The following PAX5 variants were observed in gnomAD, a reference collection of about 807,000 sequenced individuals.
The protein encoded by PAX5 is paired box protein Pax-5.
A neutral mutation model predicts 43.7 loss-of-function variants in PAX5; 9 were observed. The observed-to-expected ratio is 0.21, with a 90% CI of 0.12 to 0.36. The LOEUF (loss-of-function observed/expected upper bound fraction) is 0.36, where lower values mean the gene tolerates loss of function less well. Ranked by LOEUF, PAX5 falls within the 10% of genes least tolerant of loss-of-function variation. The pLI is 1.00. For synonymous variants in PAX5, 228 were observed against 214.3 expected (o/e 1.06, Z -0.56); for missense variants, 383 against 532.7 (o/e 0.72, Z 2.77).
intron 8 of PAX5, among the ~76,000 whole-genome samples, chr9:36,869,327 C>T (rs891124147): frequency 1.3e-5 from 2 of 152,166 alleles, no homozygotes; most frequent in African/African-American, 4.8e-5. Context: ...CTGCCTGAAA[C>T]ACTCATCTTC....
At chr9:36,865,255 C>A (rs907234347) in intron 8 of PAX5, among the ~76,000 whole-genome samples, 1 of 152,136 alleles carries the variant, frequency 6.6e-6, no homozygotes, top group Non-Finnish European at 1.5e-5. Flanking sequence ...GAGCATCCAT[C>A]GAGTCAGCAA....
intron 1 of PAX5, among the ~76,000 whole-genome samples, chr9:37,028,672 A>C (rs1840667448): frequency 6.6e-6 from 1 of 152,212 alleles, no homozygotes; most frequent in Admixed American, 6.5e-5. Context: ...CGAATGAGCC[A>C]AGTCGCGTCC....
chr9:36,894,063 G>A (rs1827646683), intron 7 of PAX5, among the ~76,000 whole-genome samples: 2 of 152,178 alleles, frequency 1.3e-5, no homozygotes, highest in African/African-American at 4.8e-5. Flanking sequence ...TGCTGATCGA[G>A]ACCCGCCACG....
chr9:36,999,225 C>T (rs1391415152), intron 5 of PAX5, among the ~76,000 whole-genome samples: 1 of 152,260 alleles, frequency 6.6e-6, no homozygotes, highest in African/African-American at 2.4e-5. Context: ...TGCACATGCT[C>T]ACCAGAGTCC....
intron 5 of PAX5, among the ~76,000 whole-genome samples, chr9:36,995,163 T>C (rs1837288703): frequency 1.3e-5 from 2 of 152,180 alleles, no homozygotes; most frequent in South Asian, 4.1e-4. Context: ...GAAAAGGAGA[T>C]GGAGAGGCTG....
At chr9:36,846,075 C>G (rs563840974) in intron 9 of PAX5, among the ~76,000 whole-genome samples, 1 of 152,332 alleles carries the variant, frequency 6.6e-6, no homozygotes, top group East Asian at 1.9e-4. Context: ...GCCCATGCCT[C>G]TACTTCATGT....
intron 2 of PAX5, among the ~76,000 whole-genome samples, chr9:37,017,343 G>A (rs1304709044): frequency 6.6e-6 from 1 of 152,160 alleles, no homozygotes; most frequent in Non-Finnish European, 1.5e-5. Flanking sequence ...CTGTAGTTAG[G>A]GACAGCCCCA....
intron 1 of PAX5, among the ~76,000 whole-genome samples, chr9:37,024,037 A>G (rs1470911162): frequency 6.6e-6 from 1 of 152,198 alleles, no homozygotes; most frequent in African/African-American, 2.4e-5. Flanking sequence ...TCAGATGGTC[A>G]GGGAGACCCA....
intron 8 of PAX5, chr9:36,860,867 C>T (rs541782563): frequency 6.6e-6 from 1 of 152,338 alleles, no homozygotes; most frequent in South Asian, 2.1e-4. Context: ...ATTAGGATGA[C>T]CCTCACAGCT....
chr9:36,880,542 T>C (rs941716071), intron 8 of PAX5, among the ~76,000 whole-genome samples: 1 of 152,230 alleles, frequency 6.6e-6, no homozygotes, highest in Non-Finnish European at 1.5e-5. Context: ...CTCCCTTATC[T>C]ATTTATTTAT....
intron 5 of PAX5, among the ~76,000 whole-genome samples, chr9:36,989,039 CAT>C (rs1207171226): frequency 1.3e-5 from 2 of 152,216 alleles, no homozygotes; most frequent in African/African-American, 4.8e-5. Context: ...TTAAAACCCA[CAT>C]GTGACCAGCC....
At position 36,909,892 on chromosome 9, in the gene PAX5, G is replaced by A. The variant is rs151013792; in HGVS notation, c.910+13463C>T. ...GCTGGAGTGCAGTGGCACGATCATG[G>A]CTCACTGCAGCCTTGACCTCCTGGG... is the stretch of plus-strand genomic sequence containing the variant. On this transcript the variant is annotated intron_variant, in intron 7 of 9. Coordinates refer to ENST00000358127, the MANE Select transcript of PAX5 (RefSeq NM_016734.3). Among the ~76,000 whole-genome samples, 922 of 136,580 alleles carry A rather than the reference G, an allele frequency of 6.8e-3. 7 individuals carry two copies. Among genetic ancestry groups the A allele is most frequent in the African/African-American group, 0.025 (884 of 35,160 alleles). The allele number at this position is 136,580 out of a possible 152,430, so 89.6% of individuals were successfully genotyped here. A position where few individuals can be genotyped will look rare whatever the true frequency, so the allele number is the denominator to read the frequency against.
intron 5 of PAX5, among the ~76,000 whole-genome samples, chr9:37,001,429 T>C (rs3013734): frequency 0.016 from 2,373 of 152,298 alleles, 57 homozygotes; most frequent in African/African-American, 0.055. Flanking sequence ...ACAACAGAGA[T>C]GGCAGGCCCA....
At chr9:36,948,837 T>C (rs1832766171) in intron 6 of PAX5, among the ~76,000 whole-genome samples, 5 of 151,944 alleles carry the variant, frequency 3.3e-5, no homozygotes. Context: ...ACTCCTTTCC[T>C]GCCCAACCCA....
intron 4 of PAX5, among the ~76,000 whole-genome samples, chr9:37,003,176 A>C (rs994972652): frequency 3.3e-5 from 5 of 150,876 alleles, no homozygotes; most frequent in Non-Finnish European, 5.9e-5. Context: ...AAAAAAAAAA[A>C]AAAAACCTGA....
chr9:36,948,699 T>C (rs1832751459), intron 6 of PAX5, among the ~76,000 whole-genome samples: 1 of 152,098 alleles, frequency 6.6e-6, no homozygotes, highest in African/African-American at 2.4e-5. Context: ...TCCCAGAAAC[T>C]CCCCAGTGCA....
At chr9:36,957,538 T>C (rs1174937249) in intron 6 of PAX5, among the ~76,000 whole-genome samples, 1 of 152,076 alleles carries the variant, frequency 6.6e-6, no homozygotes, top group African/African-American at 2.4e-5. Flanking sequence ...ACTCTTCCTT[T>C]CCACAAAAGC....
rs760113770 is a variant in PAX5, at chr9:36,835,222, C to T, written c.*5338G>A. 17 of 233,148 alleles carry T rather than the reference C, an allele frequency of 7.3e-5. No individual in the cohort carries two copies. Among genetic ancestry groups the T allele is most frequent in the Non-Finnish European group, 1.4e-4 (16 of 118,028 alleles). 14.4% of individuals were successfully genotyped at this position (233,148 alleles called of 1,614,324 possible). A position where few individuals can be genotyped will look rare whatever the true frequency, so the allele number is the denominator to read the frequency against. ...ATCTTGGAGATGAGCTAAAGGGGAC[C>T]CCTTGGATTGAAACTCTAGAATGGC... On this transcript the variant is annotated 3_prime_UTR_variant, in exon 10 of 10. Coordinates refer to ENST00000358127, the MANE Select transcript of PAX5 (RefSeq NM_016734.3).
chr9:36,953,747 A>T (rs554894825), intron 6 of PAX5, among the ~76,000 whole-genome samples: 37 of 152,256 alleles, frequency 2.4e-4, no homozygotes, highest in African/African-American at 7.5e-4. Context: ...TTTCCATTAC[A>T]GTCCTTAACA....
Sources: allele counts gnomAD v4.1 joint callset (sites outside exome capture counted in the v4.1 genomes callset), GRCh38; gene constraint gnomAD v4.1.1; transcripts MANE v1.5; gene names NCBI Gene and HGNC (gene_info 2026-07-23, HGNC 2026-07-21).